The following ZNF468 variants were observed in gnomAD, a reference collection of about 807,000 sequenced individuals.
The protein encoded by ZNF468 is zinc finger protein ZNF468.
A neutral mutation model predicts 7.2 loss-of-function variants in ZNF468; 8 were observed. The ratio of observed to expected loss-of-function variants is 1.11; its 90% CI spans 0.65 to 2.01. ZNF468 has a LOEUF of 2.01. Among genes scored for constraint, ZNF468 ranks in the 30% most tolerant of loss-of-function variants. The pLI is 0.00. For synonymous variants in ZNF468, 218 were observed against 214.4 expected (o/e 1.02, Z -0.15); for missense variants, 608 against 626.5 (o/e 0.97, Z 0.31).
At chr19:52,851,289 CA>C (rs896852403) in intron 2 of ZNF468, among the ~76,000 whole-genome samples, 1 of 149,590 alleles carries the variant, frequency 6.7e-6, no homozygotes, top group African/African-American at 2.5e-5. Flanking sequence ...AACAAACAAA[CA>C]AAAAAGCTGG....
chr19:52,853,484 G>T (rs10418858), intron 2 of ZNF468, among the ~76,000 whole-genome samples: 32,916 of 151,928 alleles, frequency 0.22, 3,967 homozygotes, highest in African/African-American at 0.31. Context: ...AGGTTAGGAG[G>T]TTGAGGCCAG....
At chr19:52,854,212 T>A (rs2063416654) in intron 2 of ZNF468, 46 bp downstream of exon 2, 3 of 1,613,324 alleles carry the variant, frequency 1.9e-6, no homozygotes, top group Non-Finnish European at 2.5e-6. Flanking sequence ...GCCCAGGGTA[T>A]CTGAAAGGAA....
chr19:52,844,307 C>T (rs548245809), intron 3 of ZNF468, among the ~76,000 whole-genome samples: 2 of 149,136 alleles, frequency 1.3e-5, no homozygotes, highest in East Asian at 2.0e-4. Flanking sequence ...CTCTTTCCAC[C>T]GTATTAGGAC....
chr19:52,846,521 T>C (rs539690525), intron 3 of ZNF468: 1 of 154,774 alleles, frequency 6.5e-6, no homozygotes, highest in Non-Finnish European at 1.4e-5. Context: ...ATTTTAAGTT[T>C]TGTTATTATG....
chr19:52,851,060 G>C (rs1168828686), intron 2 of ZNF468, among the ~76,000 whole-genome samples: 3 of 151,994 alleles, frequency 2.0e-5, no homozygotes, highest in African/African-American at 7.3e-5. Context: ...ATCACCTGAG[G>C]TCGGGAGTTC....
rs143316772 is a variant in ZNF468 at position 52,847,916 on chromosome 19, G to C, written c.142+1171C>G. ...GCACCGATGCAGGTTCTCGCATGCTGAGTGTGCTAGCCCCATGGGCCCACT... is the reference window on the plus strand; with the variant it reads ...GCACCGATGCAGGTTCTCGCATGCTCAGTGTGCTAGCCCCATGGGCCCACT... On this transcript the variant is annotated intron_variant, in intron 3 of 3. Coordinates refer to ENST00000595646, the MANE Select transcript of ZNF468 (RefSeq NM_001008801.2). Among the ~76,000 whole-genome samples, 298 of 152,286 alleles carry C rather than the reference G, an allele frequency of 2.0e-3. 1 individual carries two copies. The highest frequency in any genetic ancestry group is 3.5e-3 in the Non-Finnish European group (239 of 68,024).
chr19:52,841,093 G>A lies in ZNF468; in HGVS notation c.1201C>T (p.His401Tyr). 1 of 1,613,790 alleles carries A rather than the reference G, an allele frequency of 6.2e-7. No homozygotes were observed. Among genetic ancestry groups the A allele is most frequent in the Non-Finnish European group, 8.5e-7 (1 of 1,179,904 alleles). ...VFSRKSHLERHRRIHSGEKPY... is the reference protein window; with the variant it reads ...VFSRKSHLERYRRIHSGEKPY... ...TTCTCTCCACTATGAATCCTCCTAT[G>A]TCTTTCAAGGTGTGATTTGCGACTG... Residue 401 changes from histidine (H) to tyrosine (Y), a missense_variant, in exon 4 of 4, where the codon CAT (histidine) becomes TAT (tyrosine). Transcript: ENST00000595646.
In ZNF468 at chr19:52,854,362, T is replaced by C. The variant is rs2063418290; in HGVS notation, c.-73-17A>G. On this transcript the variant is annotated splice_polypyrimidine_tract_variant and intron_variant, in intron 1 of 3. Transcript: ENST00000595646. ...AAGTCAATCCTGAATGTTAAAAATA[T>C]GTTGTTTATCACTCAGAATCAACAC... is the stretch of plus-strand genomic sequence containing the variant. 8 of 1,601,312 alleles carry C rather than the reference T, an allele frequency of 5.0e-6. No individual in the cohort carries two copies. The highest frequency in any genetic ancestry group is 3.3e-5 in the South Asian group (3 of 90,730).
At chr19:52,845,370 C>G (rs1220476413) in intron 3 of ZNF468, 1 of 147,152 alleles carries the variant, frequency 6.8e-6, no homozygotes, top group Non-Finnish European at 1.5e-5. Flanking sequence ...ATATAAAGTT[C>G]TCCAGACAGG....
At position 52,841,397 on chromosome 19, in the gene ZNF468, A is replaced by G. The variant is rs766215951; in HGVS notation, c.897T>C (p.Tyr299=). Residue 299 remains tyrosine, a synonymous_variant, in exon 4 of 4, where the codon TAT becomes TAC. Transcript: ENST00000595646. The part of the protein sequence containing the change: ...HKALHTGEKP[Y]ECEECDKVFS... Reference sequence around the variant, plus strand: ...AAACTTTGTCACATTCTTCACATTCATAAGGTTTCTCTCCAGTATGAAGCG... The same window carrying G: ...AAACTTTGTCACATTCTTCACATTCGTAAGGTTTCTCTCCAGTATGAAGCG... 3 of 1,613,492 alleles carry G rather than the reference A, an allele frequency of 1.9e-6. No homozygotes were observed. The highest frequency in any genetic ancestry group is 2.5e-6 in the Non-Finnish European group (3 of 1,179,872).
At chr19:52,846,673 A>T (rs2063344089) in intron 3 of ZNF468, 1 of 156,550 alleles carries the variant, frequency 6.4e-6, no homozygotes, top group Non-Finnish European at 1.4e-5. Context: ...AACCACTTAT[A>T]TGTTTACAAA....
chr19:52,845,420 G>A (rs925094004), intron 3 of ZNF468: 1 of 152,164 alleles, frequency 6.6e-6, no homozygotes, highest in African/African-American at 2.4e-5. Context: ...ACTTTGGGAG[G>A]CTGAGGCGGG....
chr19:52,855,584 C>G (rs1476041563), intron 1 of ZNF468, among the ~76,000 whole-genome samples: 1 of 152,160 alleles, frequency 6.6e-6, no homozygotes, highest in African/African-American at 2.4e-5. Context: ...CAGGCACTGA[C>G]ATGACCTGCT....
chr19:52,849,188 G>C lies in ZNF468; in HGVS notation c.41C>G (p.Ala14Gly), dbSNP rs368313821. The C allele has an allele frequency of 1.2e-6, 2 of 1,613,866 alleles. No individual in the cohort carries two copies. The highest frequency in any genetic ancestry group is 1.3e-5 in the African/African-American group (1 of 75,006). Reference sequence around the variant, plus strand: ...CCACTCCTCCTGAGAGAATTCTATGGCCACGTCCCTGAATGTCAATAGACC... The same window carrying C: ...CCACTCCTCCTGAGAGAATTCTATGCCCACGTCCCTGAATGTCAATAGACC... ...PQGLLTFRDV[A>G]IEFSQEEWKC... Residue 14 changes from alanine to glycine, a missense_variant, in exon 3 of 4, where the codon GCC becomes GGC. Ala to Gly is a moderately conservative substitution (Grantham distance 60). Transcript: ENST00000595646.
In ZNF468 at chr19:52,850,786, C is replaced by G. The variant is rs547302156; in HGVS notation, c.16-1573G>C. Among the ~76,000 whole-genome samples the G allele has an allele frequency of 3.4e-3, 520 of 151,874 alleles. 4 individuals carry two copies. The highest frequency in any genetic ancestry group is 4.7e-3 in the Admixed American group (72 of 15,256). ...TGGTGGCGGGCGCCTGTAGTCCCAG[C>G]TACTCGGGAGGCTGAGGCAGGAGAA... is the stretch of plus-strand genomic sequence containing the variant. On this transcript the variant is annotated intron_variant, in intron 2 of 3. Coordinates refer to ENST00000595646, the MANE Select transcript of ZNF468 (RefSeq NM_001008801.2).
intron 3 of ZNF468, among the ~76,000 whole-genome samples, chr19:52,847,301 T>TC (rs1419206061): frequency 2.0e-5 from 3 of 151,814 alleles, no homozygotes; most frequent in Admixed American, 6.6e-5. Flanking sequence ...GTAAAAGTCA[T>TC]GCCATTCTCC....
intron 1 of ZNF468, among the ~76,000 whole-genome samples, chr19:52,856,988 G>A (rs1302524615): frequency 1.3e-5 from 2 of 152,094 alleles, no homozygotes; most frequent in Non-Finnish European, 2.9e-5. Context: ...AAGTGCTGGA[G>A]CTGGGCGGGC....
At chr19:52,854,622 T>C (rs2063420652) in intron 1 of ZNF468, among the ~76,000 whole-genome samples, 2 of 152,158 alleles carry the variant, frequency 1.3e-5, no homozygotes, top group Admixed American at 1.3e-4. Context: ...GGTACGCATC[T>C]GTGTGTCTGT....
intron 2 of ZNF468, among the ~76,000 whole-genome samples, chr19:52,851,118 C>CA (rs971335259): frequency 4.0e-5 from 6 of 151,374 alleles, no homozygotes; most frequent in African/African-American, 7.3e-5. Flanking sequence ...TCTAAAAATA[C>CA]AAAAAAAATT....
Sources: gnomAD v4.1 joint callset for allele counts (sites outside exome capture counted in the v4.1 genomes callset) on GRCh38, gnomAD v4.1.1 for gene constraint, MANE v1.5 for transcripts, NCBI Gene and HGNC (gene_info 2026-07-23, HGNC 2026-07-21) for gene names.